RABGAP1L: variants seen among roughly 807,000 people sequenced by gnomAD.
RABGAP1L encodes the protein rab GTPase-activating protein 1-like.
In RABGAP1L, 63 loss-of-function variants were observed where a neutral mutation model predicts 137.7. That is an observed-to-expected ratio of 0.46 (90% CI 0.37 to 0.56). The LOEUF is 0.56. Among genes scored for constraint, RABGAP1L ranks in the 20% least tolerant of loss-of-function variants. The pLI, the probability that RABGAP1L is intolerant of heterozygous loss-of-function variation, is 0.00. For synonymous variants in RABGAP1L, 431 were observed against 433.7 expected (o/e 0.99, Z 0.08); for missense variants, 1,095 against 1,244.0 (o/e 0.88, Z 1.80).
Position 174,988,769 on chromosome 1 carries a change from G to C in RABGAP1L, c.2934G>C (p.Gln978His). Residue 978 changes from glutamine to histidine, a missense_variant, in exon 25 of 26, where the codon CAG (glutamine) becomes CAC (histidine). Gln to His is a conservative substitution (Grantham distance 24, BLOSUM62 0). Transcript: ENST00000681986. ...ATGAGAAGGACTCACTTAAGAAGCA[G>C]CTGAGAGAGATGGAACTGGAACTGG... is the stretch of plus-strand genomic sequence containing the variant. ...TDDEKDSLKK[Q>H]LREMELELAQ... The C allele has an allele frequency of 1.3e-6, 2 of 1,550,224 alleles. No homozygotes were observed. The highest frequency in any genetic ancestry group is 1.7e-6 in the Non-Finnish European group (2 of 1,146,770).
At chr1:174,734,192 A>G (rs1682740473) in intron 17 of RABGAP1L, among the ~76,000 whole-genome samples, 1 of 152,150 alleles carries the variant, frequency 6.6e-6, no homozygotes, top group Admixed American at 6.5e-5. Context: ...AGTTGAATAT[A>G]TGATTCTGGA....
intron 13 of RABGAP1L, among the ~76,000 whole-genome samples, chr1:174,498,559 C>A (rs2901819): frequency 0.078 from 11,881 of 151,758 alleles, 655 homozygotes; most frequent in East Asian, 0.32. Flanking sequence ...CAGTGGTATG[C>A]GATCTCGGCT....
intron 1 of RABGAP1L, among the ~76,000 whole-genome samples, chr1:174,201,186 C>T (rs1247340433): frequency 6.6e-6 from 1 of 151,994 alleles, no homozygotes; most frequent in African/African-American, 2.4e-5. Flanking sequence ...GAACTCTTGG[C>T]CTCAAGCAGT....
intron 1 of RABGAP1L, among the ~76,000 whole-genome samples, chr1:174,203,915 A>T (rs1330688246): frequency 6.7e-6 from 1 of 149,138 alleles, no homozygotes; most frequent in Non-Finnish European, 1.5e-5. Flanking sequence ...GTGTATAGGA[A>T]TGCTAGTGAT....
At chr1:174,515,429 G>A (rs532007834) in intron 13 of RABGAP1L, among the ~76,000 whole-genome samples, 11 of 152,118 alleles carry the variant, frequency 7.2e-5, no homozygotes, top group Non-Finnish European at 1.0e-4. Context: ...AACAGGGCTT[G>A]TTCCCACTTG....
intron 13 of RABGAP1L, among the ~76,000 whole-genome samples, chr1:174,461,305 C>T (rs1037838892): frequency 6.6e-6 from 1 of 151,820 alleles, no homozygotes; most frequent in Admixed American, 6.6e-5. Flanking sequence ...AAGCACTGAC[C>T]CCAGGCCTGG....
chr1:174,931,547 G>A (rs1389249280), intron 19 of RABGAP1L, among the ~76,000 whole-genome samples: 1 of 152,014 alleles, frequency 6.6e-6, no homozygotes, highest in Non-Finnish European at 1.5e-5. Flanking sequence ...ATTGTCATAT[G>A]TTTTACTAGG....
rs575972911 is a variant in RABGAP1L at position 174,799,157 on chromosome 1, A to G, written c.2212-12675A>G. Among the ~76,000 whole-genome samples, 15 of 152,332 alleles carry G rather than the reference A, an allele frequency of 9.8e-5. No homozygotes were observed. The East Asian group carries it at 2.9e-3, about 29-fold the overall frequency. On this transcript the variant is annotated intron_variant, in intron 18 of 25. Coordinates refer to ENST00000681986, the MANE Select transcript of RABGAP1L (RefSeq NM_001366446.1). The stretch of plus-strand genomic sequence containing the variant: ...AGTTCTTTAAATGTATACTCTTAAT[A>G]CGTGTTAGGTTTTTATTATTTATCA...
At chr1:174,741,430 A>C (rs1683401299) in intron 17 of RABGAP1L, among the ~76,000 whole-genome samples, 2 of 151,972 alleles carry the variant, frequency 1.3e-5, no homozygotes. Flanking sequence ...TGGCATGATC[A>C]CTGCTCACTG....
At chr1:174,863,764 G>A (rs1364758759) in intron 19 of RABGAP1L, among the ~76,000 whole-genome samples, 1 of 152,046 alleles carries the variant, frequency 6.6e-6, no homozygotes, top group Non-Finnish European at 1.5e-5. Context: ...GGCAGATCAT[G>A]AGGTCAAGAG....
chr1:174,767,802 A>C (rs373697239), intron 18 of RABGAP1L, among the ~76,000 whole-genome samples: 1 of 151,914 alleles, frequency 6.6e-6, no homozygotes, highest in African/African-American at 2.4e-5. Context: ...GGCAATTTAC[A>C]AAAAAAAGGG....
chr1:174,711,642 G>A (rs1479144638), intron 17 of RABGAP1L, among the ~76,000 whole-genome samples: 1 of 152,204 alleles, frequency 6.6e-6, no homozygotes, highest in African/African-American at 2.4e-5. Context: ...ATAGGGCAGG[G>A]TTCGGGACCT....
chr1:174,658,881 T>A (rs1406556044), intron 14 of RABGAP1L, among the ~76,000 whole-genome samples: 1 of 152,170 alleles, frequency 6.6e-6, no homozygotes, highest in Admixed American at 6.5e-5. Flanking sequence ...AATCAGTATC[T>A]CTGGCTTCAA....
chr1:174,600,205 C>A (rs1228052099), intron 13 of RABGAP1L, among the ~76,000 whole-genome samples: 1 of 152,160 alleles, frequency 6.6e-6, no homozygotes, highest in African/African-American at 2.4e-5. Context: ...AAGACCATCC[C>A]CCATGATTCA....
chr1:174,508,764 G>C (rs138185671), intron 13 of RABGAP1L, among the ~76,000 whole-genome samples: 167 of 152,148 alleles, frequency 1.1e-3, no homozygotes, highest in Middle Eastern at 6.8e-3. Flanking sequence ...GTTTTTATTT[G>C]TAAACTTATT....
chr1:174,369,432 C>T (rs973714064), intron 11 of RABGAP1L, among the ~76,000 whole-genome samples: 4 of 152,188 alleles, frequency 2.6e-5, no homozygotes, highest in African/African-American at 9.7e-5. Flanking sequence ...CTCAGGCCCT[C>T]CTTGGCCTCC....
chr1:174,655,518 T>C (rs1232415814), intron 14 of RABGAP1L, among the ~76,000 whole-genome samples: 4 of 152,192 alleles, frequency 2.6e-5, no homozygotes, highest in Non-Finnish European at 5.9e-5. Flanking sequence ...GTATGCAGTT[T>C]CATTTTTTCC....
chr1:174,184,057 CG>C (rs1398874059), intron 1 of RABGAP1L, among the ~76,000 whole-genome samples: 1 of 151,574 alleles, frequency 6.6e-6, no homozygotes, highest in Non-Finnish European at 1.5e-5. Context: ...TTAGTAGAGA[CG>C]GGGTTTCACC....
intron 18 of RABGAP1L, among the ~76,000 whole-genome samples, chr1:174,790,015 C>G (rs994670885): frequency 2.0e-5 from 3 of 151,960 alleles, no homozygotes; most frequent in Non-Finnish European, 4.4e-5. Context: ...CAAGACCAGC[C>G]TGGCCAACAT....
Sources: allele counts gnomAD v4.1 joint callset (sites outside exome capture counted in the v4.1 genomes callset), GRCh38; gene constraint gnomAD v4.1.1; transcripts MANE v1.5; gene names NCBI Gene and HGNC (gene_info 2026-07-23, HGNC 2026-07-21).